The following ZFHX3 variants were observed in gnomAD, a reference collection of about 807,000 sequenced individuals.
ZFHX3 encodes zinc finger homeobox 3.
A neutral mutation model predicts 279.1 loss-of-function variants in ZFHX3; 42 were observed. The observed-to-expected ratio is 0.15, with a 90% CI of 0.12 to 0.19. The LOEUF is 0.19. Ranked by LOEUF, ZFHX3 falls within the 10% of genes least tolerant of loss-of-function variation. ZFHX3 has a pLI of 1.00. For synonymous variants in ZFHX3, 2,293 were observed against 1,957.8 expected (o/e 1.17, Z -4.52); for missense variants, 4,981 against 4,754.0 (o/e 1.05, Z -1.40).
intron 3 of ZFHX3, among the ~76,000 whole-genome samples, chr16:73,356,266 G>A (rs913191262): frequency 6.6e-5 from 10 of 152,114 alleles, no homozygotes; most frequent in African/African-American, 2.2e-4. Context: ...AGCCTGGTAC[G>A]GCTGGCCCGA....
chr16:73,293,194 C>A (rs749564846), intron 4 of ZFHX3, among the ~76,000 whole-genome samples: 58 of 152,154 alleles, frequency 3.8e-4, no homozygotes, highest in Non-Finnish European at 7.1e-4. Flanking sequence ...TGTGAGAAAC[C>A]ACTGCAAGAT....
chr16:72,845,831 A>G (rs1050290493), intron 4 of ZFHX3, among the ~76,000 whole-genome samples: 3 of 152,208 alleles, frequency 2.0e-5, no homozygotes, highest in Admixed American at 6.5e-5. Flanking sequence ...ACTCAGCTGA[A>G]GTAGATAGTA....
At chr16:73,306,081 T>C (rs1383397182) in intron 4 of ZFHX3, among the ~76,000 whole-genome samples, 4 of 152,138 alleles carry the variant, frequency 2.6e-5, no homozygotes, top group Admixed American at 2.6e-4. Flanking sequence ...GGACCACACA[T>C]TAAGGAATGA....
chr16:73,347,199 T>C (rs2016139748), intron 3 of ZFHX3, among the ~76,000 whole-genome samples: 1 of 152,216 alleles, frequency 6.6e-6, no homozygotes. Context: ...CAAACAAACT[T>C]CTTCCATCTG....
intron 4 of ZFHX3, among the ~76,000 whole-genome samples, chr16:72,882,989 T>TGC: frequency 1.3e-5 from 1 of 76,524 alleles, no homozygotes; most frequent in Non-Finnish European, 2.9e-5. Flanking sequence ...TGTGTGTGTG[T>TGC]GTGTGTGTGT....
Position 72,788,409 on chromosome 16 carries a change from C to T in ZFHX3, c.9867G>A (p.Gln3289=), listed in dbSNP as rs1220846920. 1.9e-6 allele frequency: 3 copies of T among 1,614,180 alleles called. No homozygotes were observed. Among genetic ancestry groups the T allele is most frequent in the South Asian group, 2.2e-5 (2 of 91,084 alleles). ...CCGAAGTCAACGCGGCCTGCAGGGC[C>T]TGCAGCTGTGCAGGGTCTACCGCAT... The part of the protein sequence containing the change: ...MEYAVDPAQL[Q]ALQAALTSDP... Residue 3289 remains glutamine (Q), a synonymous_variant, in exon 10 of 10, where the codon CAG becomes CAA. Coordinates refer to ENST00000268489, the MANE Select transcript of ZFHX3 (RefSeq NM_006885.4).
chr16:73,392,083 A>G (rs1308187821), intron 3 of ZFHX3, among the ~76,000 whole-genome samples: 1 of 152,104 alleles, frequency 6.6e-6, no homozygotes, highest in African/African-American at 2.4e-5. Flanking sequence ...CTCATTTTTC[A>G]CAGTGGGAAG....
chr16:73,132,688 C>G (rs951326307), intron 6 of ZFHX3, among the ~76,000 whole-genome samples: 7 of 152,200 alleles, frequency 4.6e-5, no homozygotes, highest in African/African-American at 1.7e-4. Context: ...GGCTGTATTT[C>G]AGGCCAACTT....
intron 1 of ZFHX3, among the ~76,000 whole-genome samples, chr16:73,055,696 GCGCA>G (rs1183298698): frequency 4.0e-4 from 38 of 94,760 alleles, no homozygotes; most frequent in Admixed American, 9.2e-4. Flanking sequence ...GCGCGCGCGC[GCGCA>G]CACACACACA....
intron 5 of ZFHX3, among the ~76,000 whole-genome samples, chr16:73,252,950 G>A (rs1389700496): frequency 6.6e-6 from 1 of 152,232 alleles, no homozygotes; most frequent in Non-Finnish European, 1.5e-5. Flanking sequence ...TTCTCCAGCA[G>A]AGAAAGCAGA....
Position 72,798,366 on chromosome 16 carries a change from C to G in ZFHX3, c.4316G>C (p.Arg1439Pro). The G allele has an allele frequency of 6.2e-7, 1 of 1,614,162 alleles. No homozygotes were observed. Among genetic ancestry groups the G allele is most frequent in the South Asian group, 1.1e-5 (1 of 91,082 alleles). ...GTGCTTCTTCAGAGCCTGGAAAGTT[C>G]GGAAACTGCGCTGACAAAGACAGCA... ...TMCCLCQRSF[R>P]TFQALKKHLE... The change falls in exon 9 of 10, where the codon CGA becomes CCA. Residue 1439 changes from arginine (R) to proline (P), a missense_variant. By Grantham distance (103) the Arg-to-Pro change is moderately radical. Transcript: ENST00000268489.
chr16:73,742,939 A>C (rs930095491), intron 1 of ZFHX3, among the ~76,000 whole-genome samples: 3 of 152,190 alleles, frequency 2.0e-5, no homozygotes, highest in Non-Finnish European at 4.4e-5. Flanking sequence ...GTCATTATTT[A>C]TGTCATCATC....
chr16:73,653,708 T>C (rs2052693835), intron 2 of ZFHX3, among the ~76,000 whole-genome samples: 3 of 151,832 alleles, frequency 2.0e-5, no homozygotes, highest in Non-Finnish European at 4.4e-5. Context: ...GGAGTGAAAG[T>C]AAAATAGTAT....
intron 4 of ZFHX3, among the ~76,000 whole-genome samples, chr16:72,872,999 C>T (rs1479785522): frequency 6.6e-6 from 1 of 152,168 alleles, no homozygotes; most frequent in African/African-American, 2.4e-5. Context: ...ACTGATTTAT[C>T]TTTCCAGTTT....
intron 4 of ZFHX3, among the ~76,000 whole-genome samples, chr16:73,313,195 T>C (rs925484356): frequency 1.3e-5 from 2 of 152,192 alleles, no homozygotes; most frequent in African/African-American, 4.8e-5. Context: ...TTGCTTTCCC[T>C]TCACCTTCCA....
At chr16:73,725,128 A>G (rs1335513516) in intron 1 of ZFHX3, among the ~76,000 whole-genome samples, 6 of 152,248 alleles carry the variant, frequency 3.9e-5, no homozygotes, top group African/African-American at 1.4e-4. Context: ...CGTATATTAA[A>G]TCTGACAAAC....
intron 1 of ZFHX3, among the ~76,000 whole-genome samples, chr16:73,890,156 A>T (rs2030481326): frequency 6.6e-6 from 1 of 152,062 alleles, no homozygotes; most frequent in African/African-American, 2.4e-5. Flanking sequence ...CTTCTAAAAT[A>T]AATAAATCTA....
intron 5 of ZFHX3, among the ~76,000 whole-genome samples, chr16:73,212,001 A>G (rs2012036409): frequency 6.6e-6 from 1 of 152,178 alleles, no homozygotes; most frequent in Admixed American, 6.5e-5. Flanking sequence ...GTTGAAAGTC[A>G]CTGATCTGGG....
chr16:73,071,777 GTTTA>G (rs547404054), intron 8 of ZFHX3, among the ~76,000 whole-genome samples: 1 of 152,262 alleles, frequency 6.6e-6, no homozygotes, highest in Non-Finnish European at 1.5e-5. Context: ...GCCTCAAAGT[GTTTA>G]TTTATTCTCA....
Sources: gnomAD v4.1 joint callset for allele counts (sites outside exome capture counted in the v4.1 genomes callset) on GRCh38, gnomAD v4.1.1 for gene constraint, MANE v1.5 for transcripts, NCBI Gene and HGNC (gene_info 2026-07-23, HGNC 2026-07-21) for gene names.